Variants in PTPRT observed in about 807,000 individuals in gnomAD.
The protein encoded by PTPRT is receptor-type tyrosine-protein phosphatase T.
Under a neutral mutation model 176.8 loss-of-function variants are expected in PTPRT, and 56 were observed. The ratio of observed to expected loss-of-function variants is 0.32; its 90% CI spans 0.26 to 0.40. The LOEUF (loss-of-function observed/expected upper bound fraction) is 0.40, where lower values mean the gene tolerates loss of function less well. PTPRT is among the 10% of genes least tolerant of loss of function. PTPRT has a pLI of 1.00. For synonymous variants in PTPRT, 783 were observed against 739.0 expected (o/e 1.06, Z -0.96); for missense variants, 1,540 against 1,908.2 (o/e 0.81, Z 3.60).
intron 1 of PTPRT, among the ~76,000 whole-genome samples, chr20:43,091,482 TCTC>T (rs2011857695): frequency 1.4e-5 from 2 of 146,978 alleles, no homozygotes; most frequent in African/African-American, 5.2e-5. Flanking sequence ...TCTCTCTCTC[TCTC>T]TCTCTATTTC....
At chr20:42,761,096 TC>T (rs369362603) in intron 5 of PTPRT, among the ~76,000 whole-genome samples, 116 of 152,182 alleles carry the variant, frequency 7.6e-4, no homozygotes, top group African/African-American at 2.5e-3. Flanking sequence ...CGAACCATGG[TC>T]CCCAGACAGG....
At chr20:42,329,473 G>GCA (rs374374950) in intron 11 of PTPRT, among the ~76,000 whole-genome samples, 1,763 of 145,034 alleles carry the variant, frequency 0.012, 26 homozygotes, top group East Asian at 0.046. Flanking sequence ...GAATATAGTG[G>GCA]CACACACACA....
chr20:42,951,774 G>A (rs1981267764), intron 1 of PTPRT, among the ~76,000 whole-genome samples: 1 of 152,162 alleles, frequency 6.6e-6, no homozygotes. Flanking sequence ...GGCCTTGATA[G>A]CTGACTGAGT....
chr20:42,628,913 T>C (rs1569031863), intron 7 of PTPRT, among the ~76,000 whole-genome samples: 1 of 152,180 alleles, frequency 6.6e-6, no homozygotes, highest in Non-Finnish European at 1.5e-5. Context: ...CTGAAAAAGT[T>C]TGCCAACCCC....
At chr20:42,195,707 TATG>T (rs1991187477) in intron 16 of PTPRT, among the ~76,000 whole-genome samples, 2 of 152,228 alleles carry the variant, frequency 1.3e-5, no homozygotes, top group Non-Finnish European at 2.9e-5. Flanking sequence ...GCAATATTGT[TATG>T]ATGAATGCAT....
intron 17 of PTPRT, among the ~76,000 whole-genome samples, chr20:42,151,564 T>C (rs1989133359): frequency 6.6e-6 from 1 of 152,244 alleles, no homozygotes; most frequent in Admixed American, 6.5e-5. Flanking sequence ...GCATTTGGGT[T>C]GGTTCCAAGT....
chr20:42,122,716 C>A (rs1275616272), intron 19 of PTPRT, among the ~76,000 whole-genome samples: 1 of 152,216 alleles, frequency 6.6e-6, no homozygotes, highest in Admixed American at 6.5e-5. Flanking sequence ...GCTTCCTAAC[C>A]CCATGAGCTT....
intron 1 of PTPRT, among the ~76,000 whole-genome samples, chr20:42,891,633 T>C (rs935647359): frequency 7.9e-5 from 12 of 152,226 alleles, no homozygotes; most frequent in Non-Finnish European, 1.8e-4. Context: ...GCTCTTCTTT[T>C]GAAAATGAGA....
intron 1 of PTPRT, among the ~76,000 whole-genome samples, chr20:42,955,950 G>A (rs919235688): frequency 3.9e-5 from 6 of 152,148 alleles, no homozygotes; most frequent in African/African-American, 1.2e-4. Context: ...CCGCTTGCTT[G>A]GGCACACGGC....
At chr20:42,987,099 GACCCCC>G (rs1983631804) in intron 1 of PTPRT, among the ~76,000 whole-genome samples, 1 of 152,090 alleles carries the variant, frequency 6.6e-6, no homozygotes, top group Non-Finnish European at 1.5e-5. Context: ...TCTCCACCTA[GACCCCC>G]ACATCCACCC....
At chr20:42,401,187 G>C (rs2058903607) in intron 9 of PTPRT, among the ~76,000 whole-genome samples, 2 of 151,348 alleles carry the variant, frequency 1.3e-5, no homozygotes, top group Non-Finnish European at 2.9e-5. Context: ...ATTTAAAAAA[G>C]TCTCTATCGG....
chr20:42,399,103 C>T (rs1361959762), intron 9 of PTPRT, among the ~76,000 whole-genome samples: 6 of 152,256 alleles, frequency 3.9e-5, no homozygotes, highest in Non-Finnish European at 8.8e-5. Context: ...CATTTCTAGA[C>T]TTGCACATCA....
chr20:42,108,155 A>G (rs1421277645), intron 23 of PTPRT, among the ~76,000 whole-genome samples: 1 of 152,172 alleles, frequency 6.6e-6, no homozygotes, highest in African/African-American at 2.4e-5. Context: ...ATCAGCGGTG[A>G]CCAAGTTGCC....
chr20:42,298,173 A>C (rs2145296002), intron 12 of PTPRT, among the ~76,000 whole-genome samples: 1 of 152,344 alleles, frequency 6.6e-6, no homozygotes, highest in East Asian at 1.9e-4. Flanking sequence ...AGTAAAAAAC[A>C]AACTGAAAAT....
At chr20:42,274,770 G>A (rs1164553013) in intron 13 of PTPRT, among the ~76,000 whole-genome samples, 6 of 152,112 alleles carry the variant, frequency 3.9e-5, no homozygotes, top group Admixed American at 3.3e-4. Flanking sequence ...AATATGTTGT[G>A]GAAGTGAAGA....
chr20:42,747,420 G>A (rs1211742867), intron 6 of PTPRT, among the ~76,000 whole-genome samples: 3 of 152,254 alleles, frequency 2.0e-5, no homozygotes, highest in Admixed American at 1.3e-4. Flanking sequence ...TGTTCTAGTA[G>A]GAAAGATGGG....
chr20:42,219,806 A>G (rs537753708), intron 15 of PTPRT, among the ~76,000 whole-genome samples: 1 of 152,292 alleles, frequency 6.6e-6, no homozygotes, highest in African/African-American at 2.4e-5. Context: ...CAGCTTAACT[A>G]TCACATGGTT....
chr20:42,098,144 T>C (rs1985466477), intron 27 of PTPRT, among the ~76,000 whole-genome samples: 1 of 151,994 alleles, frequency 6.6e-6, no homozygotes. Context: ...AGCAAGACAA[T>C]AATCAATGCT....
intron 17 of PTPRT, among the ~76,000 whole-genome samples, chr20:42,150,448 T>C (rs903030505): frequency 1.7e-4 from 26 of 152,170 alleles, no homozygotes; most frequent in African/African-American, 5.1e-4. Flanking sequence ...GCTTGCCGCC[T>C]CCATGTTCAG....
Sources: allele counts gnomAD v4.1 joint callset (sites outside exome capture counted in the v4.1 genomes callset), GRCh38; gene constraint gnomAD v4.1.1; transcripts MANE v1.5; gene names NCBI Gene and HGNC (gene_info 2026-07-23, HGNC 2026-07-21).